The following PRTFDC1 variants were observed in gnomAD, a reference collection of about 807,000 sequenced individuals.
PRTFDC1 encodes the protein phosphoribosyltransferase domain-containing protein 1.
A neutral mutation model predicts 34.6 loss-of-function variants in PRTFDC1; 38 were observed. The observed-to-expected ratio is 1.10, with a 90% confidence interval of 0.85 to 1.44. The LOEUF (loss-of-function observed/expected upper bound fraction) is 1.44. PRTFDC1 is among the 40% of genes most tolerant of loss of function. PRTFDC1 has a pLI of 0.00. For synonymous variants in PRTFDC1, 93 were observed against 98.1 expected (o/e 0.95, Z 0.31); for missense variants, 270 against 283.0 (o/e 0.95, Z 0.33).
At chr10:24,949,636 G>A (rs1849304834) in intron 1 of PRTFDC1, among the ~76,000 whole-genome samples, 1 of 152,084 alleles carries the variant, frequency 6.6e-6, no homozygotes, top group Non-Finnish European at 1.5e-5. Flanking sequence ...ATTATATGTG[G>A]ATTATTTCCC....
chr10:24,930,946 G>A (rs777340898), intron 3 of PRTFDC1, among the ~76,000 whole-genome samples: 14 of 152,230 alleles, frequency 9.2e-5, no homozygotes, highest in Non-Finnish European at 1.8e-4. Context: ...AGAAATAGTA[G>A]TATTTAGTTT....
intron 8 of PRTFDC1, 103 bp from the exon 9 acceptor site, chr10:24,849,994 G>T: frequency 1.9e-6 from 2 of 1,055,490 alleles, no homozygotes; most frequent in South Asian, 1.3e-5. Context: ...ATTGGCTATT[G>T]ATCATTTAAA....
At position 24,937,354 on chromosome 10, in the gene PRTFDC1, C is replaced by T. The variant is rs1564318817; in HGVS notation, c.169G>A (p.Ala57Thr). Residue 57 changes from alanine to threonine, a missense_variant, in exon 3 of 9, where the codon GCC becomes ACC. Coordinates refer to ENST00000320152, the MANE Select transcript of PRTFDC1 (RefSeq NM_020200.7). ...CCTATGTCTTTCATAATATCCTTGG[C>T]CAGCCGCTCAATTCTGAAAGAAGGA... ...GIIVDRIERLAKDIMKDIGYS... is the reference protein window; with the variant it reads ...GIIVDRIERLTKDIMKDIGYS... 5 of 1,607,178 alleles carry T rather than the reference C, an allele frequency of 3.1e-6. No homozygotes were observed. Among genetic ancestry groups the T allele is most frequent in the Non-Finnish European group, 3.4e-6 (4 of 1,178,062 alleles).
At chr10:24,859,367 C>G (rs905876506) in intron 4 of PRTFDC1, among the ~76,000 whole-genome samples, 19 of 152,218 alleles carry the variant, frequency 1.2e-4, no homozygotes, top group African/African-American at 4.6e-4. Context: ...TCAATCGATT[C>G]TCCCACCTCA....
intron 1 of PRTFDC1, among the ~76,000 whole-genome samples, chr10:24,949,750 T>A (rs868660000): frequency 8.5e-4 from 117 of 138,398 alleles, no homozygotes; most frequent in Non-Finnish European, 1.3e-3. Context: ...TTTTTTTTTT[T>A]TTTTTTAAGA....
Position 24,849,466 on chromosome 10 carries a change from T to C in PRTFDC1, c.*378A>G, listed in dbSNP as rs1847444911. On this transcript the variant is annotated 3_prime_UTR_variant, in exon 9 of 9. Transcript: ENST00000320152. ...TAATATTGTAAGCTTATTACCAAAA[T>C]AAGAGTATAAAAAGTTAAGTGAAAA... 1 of 166,004 alleles carries C rather than the reference T, an allele frequency of 6.0e-6. No homozygotes were observed. The highest frequency in any genetic ancestry group is 6.3e-5 in the Admixed American group (1 of 15,976). The allele number at this position is 166,004 out of a possible 1,614,324, so 10.3% of individuals were successfully genotyped here. A position where few individuals can be genotyped will look rare whatever the true frequency, so the allele number is the denominator to read the frequency against.
chr10:24,925,562 A>AT (rs1307109737), intron 3 of PRTFDC1, among the ~76,000 whole-genome samples: 1 of 152,216 alleles, frequency 6.6e-6, no homozygotes, highest in African/African-American at 2.4e-5. Context: ...ATACAAGCAT[A>AT]TTTTTTGTAT....
intron 3 of PRTFDC1, among the ~76,000 whole-genome samples, chr10:24,891,845 C>T (rs974280796): frequency 6.6e-6 from 1 of 152,142 alleles, no homozygotes; most frequent in Non-Finnish European, 1.5e-5. Flanking sequence ...GAAATCCTTG[C>T]AAGACAGAGA....
At chr10:24,931,728 ATCT>A (rs935925385) in intron 3 of PRTFDC1, among the ~76,000 whole-genome samples, 2 of 152,064 alleles carry the variant, frequency 1.3e-5, no homozygotes, top group African/African-American at 4.8e-5. Flanking sequence ...AATTAAAAAA[ATCT>A]TCTGACAAAG....
chr10:24,946,265 G>A (rs1849248962), intron 1 of PRTFDC1, among the ~76,000 whole-genome samples: 1 of 152,012 alleles, frequency 6.6e-6, no homozygotes, highest in Non-Finnish European at 1.5e-5. Flanking sequence ...CTGTCTCTGA[G>A]ATCCAGTTTC....
intron 1 of PRTFDC1, among the ~76,000 whole-genome samples, chr10:24,951,091 C>A (rs1474516331): frequency 6.6e-6 from 1 of 152,120 alleles, no homozygotes; most frequent in East Asian, 1.9e-4. Context: ...AAATCGGATA[C>A]AATGATTCTT....
intron 3 of PRTFDC1, among the ~76,000 whole-genome samples, chr10:24,920,332 C>T (rs1209342382): frequency 6.7e-6 from 1 of 149,596 alleles, no homozygotes; most frequent in Non-Finnish European, 1.5e-5. Flanking sequence ...TATATATATA[C>T]CATGGAATAC....
At chr10:24,928,158 G>A (rs1477219128) in intron 3 of PRTFDC1, among the ~76,000 whole-genome samples, 2 of 152,014 alleles carry the variant, frequency 1.3e-5, no homozygotes, top group Non-Finnish European at 2.9e-5. Flanking sequence ...GTGAAATATG[G>A]TAAGTTTTAG....
chr10:24,900,139 T>C (rs1383725142), intron 3 of PRTFDC1, among the ~76,000 whole-genome samples: 1 of 152,228 alleles, frequency 6.6e-6, no homozygotes, highest in East Asian at 1.9e-4. Flanking sequence ...CTCTCCCTTT[T>C]GAAAAGTGGC....
chr10:24,942,503 A>G (rs929039991), intron 1 of PRTFDC1, 67 bp from the exon 2 acceptor site: 8 of 1,281,074 alleles, frequency 6.2e-6, no homozygotes, highest in Non-Finnish European at 9.1e-6. Context: ...ATAACAAAAG[A>G]GTATCACTTG....
At chr10:24,931,719 AT>A in intron 3 of PRTFDC1, among the ~76,000 whole-genome samples, 1 of 152,016 alleles carries the variant, frequency 6.6e-6, no homozygotes, top group Non-Finnish European at 1.5e-5. Context: ...CTTAATTCCA[AT>A]TAAAAAAATC....
intron 3 of PRTFDC1, among the ~76,000 whole-genome samples, chr10:24,930,679 T>G (rs1848957709): frequency 6.6e-6 from 1 of 152,170 alleles, no homozygotes; most frequent in Non-Finnish European, 1.5e-5. Flanking sequence ...ATCCACCACT[T>G]ACATGCTGCT....
At chr10:24,851,316 C>G (rs960581601) in intron 8 of PRTFDC1, 72 bp downstream of exon 8, 2 of 1,559,192 alleles carry the variant, frequency 1.3e-6, no homozygotes, top group Middle Eastern at 1.7e-4. Context: ...ATCACTAACA[C>G]GCATTCAATA....
chr10:24,910,290 G>A (rs1045319633), intron 3 of PRTFDC1, among the ~76,000 whole-genome samples: 1 of 152,168 alleles, frequency 6.6e-6, no homozygotes, highest in African/African-American at 2.4e-5. Context: ...GACAGCTTTG[G>A]TTGAGGAAAG....
Sources: gnomAD v4.1 joint callset for allele counts (sites outside exome capture counted in the v4.1 genomes callset) on GRCh38, gnomAD v4.1.1 for gene constraint, MANE v1.5 for transcripts, NCBI Gene and HGNC (gene_info 2026-07-23, HGNC 2026-07-21) for gene names.